The following RCC1 variants were observed in gnomAD, a reference collection of about 807,000 sequenced individuals.
The protein encoded by RCC1 is regulator of chromosome condensation.
Under a neutral mutation model 44.4 loss-of-function variants are expected in RCC1, and 11 were observed. The ratio of observed to expected loss-of-function variants is 0.25; its 90% CI spans 0.16 to 0.41. RCC1 has a LOEUF of 0.41. Among genes scored for constraint, RCC1 ranks in the 10% least tolerant of loss-of-function variants. The pLI, the probability that RCC1 is intolerant of heterozygous loss-of-function variation, is 1.00. For missense variants in RCC1, 386 were observed against 547.1 expected, an observed-to-expected ratio of 0.71 and a Z score of 2.94; for synonymous variants, 213 against 216.5, an observed-to-expected ratio of 0.98 and a Z score of 0.14.
chr1:28,533,200 G>C (rs918825631), intron 7 of RCC1, among the ~76,000 whole-genome samples: 1 of 152,032 alleles, frequency 6.6e-6, no homozygotes, highest in South Asian at 2.1e-4. Flanking sequence ...GGCTGGGCGC[G>C]GTGGCTCATG....
Position 28,536,086 on chromosome 1 carries a change from G to A in RCC1, c.817+60G>A, listed in dbSNP as rs1028758622. On this transcript the variant is annotated intron_variant, in intron 10 of 12. Transcript: ENST00000683442. This position sits in a 1 kb window ranked among gnomAD's most constrained non-coding sequence, Gnocchi z 4.9. ...TGGCCTGCGTTCCTGTCCTGGCTCT[G>A]CCACTCATTCATTGTGCATCCTTTG... 1.3e-6 allele frequency: 2 copies of A among 1,557,640 alleles called. No individual in the cohort carries two copies. The highest frequency in any genetic ancestry group is 2.4e-5 in the South Asian group (2 of 82,508).
At chr1:28,509,961 G>C (rs1055429434) in intron 3 of RCC1, 4 of 152,144 alleles carry the variant, frequency 2.6e-5, no homozygotes, top group East Asian at 1.9e-4. Context: ...TCTACTACCT[G>C]GCGCACCTCC....
At chr1:28,510,391 A>T (rs1662434898) in intron 3 of RCC1, 1 of 152,252 alleles carries the variant, frequency 6.6e-6, no homozygotes, top group African/African-American at 2.4e-5. Flanking sequence ...TAATCCCAGC[A>T]CTTAGGCTAA....
intron 4 of RCC1, among the ~76,000 whole-genome samples, chr1:28,525,141 G>A (rs796803078): frequency 7.2e-5 from 11 of 152,208 alleles, no homozygotes; most frequent in African/African-American, 2.4e-4. Context: ...GTGACTGGGG[G>A]CTGCATGCAC....
intron 1 of RCC1, chr1:28,507,491 G>T (rs377709475): frequency 3.9e-6 from 2 of 518,996 alleles, no homozygotes; most frequent in South Asian, 2.8e-5. Flanking sequence ...GCTGGGCCTC[G>T]TGTCTGCGCC....
chr1:28,521,889 A>G (rs1663307213), intron 4 of RCC1, among the ~76,000 whole-genome samples: 1 of 152,230 alleles, frequency 6.6e-6, no homozygotes, highest in Non-Finnish European at 1.5e-5. Context: ...AATCAGTCAG[A>G]TAGGCCTGGG....
chr1:28,522,747 G>A (rs1663365824), intron 4 of RCC1, among the ~76,000 whole-genome samples: 1 of 151,936 alleles, frequency 6.6e-6, no homozygotes, highest in Non-Finnish European at 1.5e-5. Context: ...CCTAGGAGGT[G>A]GAGGTTGCAG....
rs894268378 is a variant in RCC1, at chr1:28,530,559, C to G, written c.73+620C>G. ...GCTGCCTCCCGCCGCGTTCCTGGCG[C>G]CCGCTCCTGCCAAGGTGCCTGCGGG... is the stretch of plus-strand genomic sequence containing the variant. On this transcript the variant is annotated intron_variant, in intron 5 of 12. Transcript: ENST00000683442. 1.9e-6 allele frequency: 3 copies of G among 1,606,236 alleles called. No individual in the cohort carries two copies. In the African/African-American group the frequency reaches 4.0e-5, roughly 21 times the overall value.
chr1:28,535,488 G>C, intron 9 of RCC1, 108 bp downstream of exon 9: 1 of 1,539,894 alleles, frequency 6.5e-7, no homozygotes, highest in Non-Finnish European at 8.8e-7. Context: ...AGATGGGCTT[G>C]TGGTGTTGGT....
intron 4 of RCC1, among the ~76,000 whole-genome samples, chr1:28,529,507 T>G (rs879863211): frequency 1.3e-5 from 2 of 152,030 alleles, no homozygotes; most frequent in Non-Finnish European, 2.9e-5. Flanking sequence ...TCTGCTTGTT[T>G]TACTTGGCAA....
intron 3 of RCC1, among the ~76,000 whole-genome samples, chr1:28,515,805 G>C (rs1662863302): frequency 6.6e-6 from 1 of 152,094 alleles, no homozygotes; most frequent in Non-Finnish European, 1.5e-5. Context: ...CCAGCACTTT[G>C]GGAGGCCAAG....
intron 3 of RCC1, among the ~76,000 whole-genome samples, chr1:28,515,051 GCTGACTGCTGAGGCT>G (rs1427259034): frequency 6.6e-6 from 1 of 152,176 alleles, no homozygotes; most frequent in East Asian, 1.9e-4. Flanking sequence ...GCCAAGGCAG[GCTGACTGCTGAGGCT>G]CAGAAGTTCA....
intron 3 of RCC1, among the ~76,000 whole-genome samples, chr1:28,515,576 G>A (rs917914630): frequency 6.6e-6 from 1 of 150,962 alleles, no homozygotes; most frequent in Non-Finnish European, 1.5e-5. Flanking sequence ...AATGAGCCGG[G>A]CATGGTGGTG....
At chr1:28,521,328 C>T (rs1447524167) in intron 4 of RCC1, among the ~76,000 whole-genome samples, 2 of 151,728 alleles carry the variant, frequency 1.3e-5, no homozygotes, top group Admixed American at 6.6e-5. Context: ...GGTGAAACCC[C>T]GTCTCTACTA....
chr1:28,510,563 C>T (rs1662455531), intron 3 of RCC1: 1 of 152,168 alleles, frequency 6.6e-6, no homozygotes, highest in Non-Finnish European at 1.5e-5. Context: ...GAGACCTTGC[C>T]ACTGCGCTCC....
chr1:28,536,983 A>C lies in RCC1; in HGVS notation c.1090+84A>C. On this transcript the variant is annotated intron_variant, in intron 12 of 12. Coordinates refer to ENST00000683442, the MANE Select transcript of RCC1 (RefSeq NM_001381865.2). The surrounding 1 kb of genome is among the most constrained non-coding windows in gnomAD (Gnocchi z 4.9). ...AATTCCCCAATAGGCTGTGATGTCC[A>C]CTCTCGGGGGAGCCGAGGTACAGAG... 14 of 1,338,184 alleles carry C rather than the reference A, an allele frequency of 1.0e-5. No homozygotes were observed. Among genetic ancestry groups the C allele is most frequent in the South Asian group, 9.1e-5 (5 of 55,026 alleles). 82.9% of individuals were successfully genotyped at this position (1,338,184 alleles called of 1,614,324 possible).
In RCC1 at chr1:28,533,399, A is replaced by G. The variant is rs184316108; in HGVS notation, c.441+1049A>G. Among the ~76,000 whole-genome samples, 1,465 of 149,400 alleles carry G rather than the reference A, an allele frequency of 9.8e-3. 24 individuals are homozygous for G. Among genetic ancestry groups the G allele is most frequent in the African/African-American group, 0.035 (1,399 of 40,530 alleles). ...GGCAGGAGAATGGCTTGAACCCGGG[A>G]GGCGGAGCTTGCAGTGAGCCAAGAT... On this transcript the variant is annotated intron_variant, in intron 7 of 12. Transcript: ENST00000683442.
At chr1:28,510,757 C>T (rs1386191661) in intron 3 of RCC1, 1 of 152,382 alleles carries the variant, frequency 6.6e-6, no homozygotes, top group Non-Finnish European at 1.5e-5. Context: ...AGTGGCACCT[C>T]TGCAGAAACA....
chr1:28,524,267 T>G (rs1364130375), intron 4 of RCC1, among the ~76,000 whole-genome samples: 1 of 152,204 alleles, frequency 6.6e-6, no homozygotes, highest in African/African-American at 2.4e-5. Flanking sequence ...TTCAACAGTG[T>G]TCTCTATCTC....
Sources: gnomAD v4.1 joint callset for allele counts (sites outside exome capture counted in the v4.1 genomes callset) on GRCh38, gnomAD v4.1.1 for gene constraint, Gnocchi (gnomAD v3.1) non-coding constraint, MANE v1.5 for transcripts, NCBI Gene and HGNC (gene_info 2026-07-23, HGNC 2026-07-21) for gene names.